Variants in CDKAL1 observed in about 807,000 individuals in gnomAD.
CDKAL1 encodes the protein CDKAL1 threonylcarbamoyladenosine tRNA methylthiotransferase.
Under a neutral mutation model 68.2 loss-of-function variants are expected in CDKAL1, and 32 were observed. The ratio of observed to expected loss-of-function variants is 0.47; its 90% CI spans 0.35 to 0.63. The LOEUF is 0.63. CDKAL1 is among the 30% of genes least tolerant of loss of function. The pLI, the probability that CDKAL1 is intolerant of heterozygous loss-of-function variation, is 0.00. For synonymous variants in CDKAL1, 234 were observed against 244.3 expected, an observed-to-expected ratio of 0.96 and a Z score of 0.39; for missense variants, 606 against 696.7, an observed-to-expected ratio of 0.87 and a Z score of 1.47.
At chr6:20,712,288 C>G (rs756328769) in intron 5 of CDKAL1, among the ~76,000 whole-genome samples, 2 of 152,026 alleles carry the variant, frequency 1.3e-5, no homozygotes, top group African/African-American at 2.4e-5. Flanking sequence ...TCCAAAGTTG[C>G]AATGGTCAGG....
chr6:21,021,433 A>G (rs573832983), intron 11 of CDKAL1, among the ~76,000 whole-genome samples: 2 of 152,224 alleles, frequency 1.3e-5, no homozygotes, highest in Non-Finnish European at 2.9e-5. Flanking sequence ...AATAAAGACA[A>G]GAATTTGTTG....
At chr6:21,141,486 G>A (rs996963484) in intron 13 of CDKAL1, among the ~76,000 whole-genome samples, 1 of 152,178 alleles carries the variant, frequency 6.6e-6, no homozygotes, top group African/African-American at 2.4e-5. Flanking sequence ...AGAATAAGGT[G>A]TATGTCCCCG....
intron 11 of CDKAL1, among the ~76,000 whole-genome samples, chr6:21,016,301 T>G (rs201311): frequency 0.77 from 116,915 of 151,774 alleles, 45,845 homozygotes; most frequent in Middle Eastern, 0.93. Context: ...AACCCAGGTT[T>G]CCTAGTTCCA....
intron 7 of CDKAL1, among the ~76,000 whole-genome samples, chr6:20,778,791 T>C (rs1450736771): frequency 1.3e-5 from 2 of 152,126 alleles, no homozygotes; most frequent in Non-Finnish European, 2.9e-5. Context: ...GAGCTCACTT[T>C]TAGCCTTTTT....
At chr6:20,699,034 C>T (rs952691749) in intron 5 of CDKAL1, among the ~76,000 whole-genome samples, 1 of 151,990 alleles carries the variant, frequency 6.6e-6, no homozygotes, top group African/African-American at 2.4e-5. Context: ...TTTTTAAAGT[C>T]AGAAAATTCT....
chr6:20,778,937 A>G (rs1775295953), intron 7 of CDKAL1, among the ~76,000 whole-genome samples: 1 of 152,206 alleles, frequency 6.6e-6, no homozygotes, highest in Non-Finnish European at 1.5e-5. Context: ...TAATATCAAA[A>G]TATCCGTGTA....
At chr6:20,838,302 C>T (rs755476867) in intron 8 of CDKAL1, among the ~76,000 whole-genome samples, 9 of 152,032 alleles carry the variant, frequency 5.9e-5, no homozygotes, top group African/African-American at 1.2e-4. Flanking sequence ...TCAGCTTGGA[C>T]ATTCGTAAGT....
chr6:20,753,266 A>G lies in CDKAL1; in HGVS notation c.469-5329A>G, dbSNP rs1774008661. Among the ~76,000 whole-genome samples, 3 of 152,202 alleles carry G rather than the reference A, an allele frequency of 2.0e-5. No homozygotes were observed. The Middle Eastern group carries it at 0.01, about 518-fold the overall frequency. ...ATTTCCTATTGTGACCTTTTTGTCTAGCTTCTTTCACTTTGCATTTATAGC... is the reference window on the plus strand; with the variant it reads ...ATTTCCTATTGTGACCTTTTTGTCTGGCTTCTTTCACTTTGCATTTATAGC... On this transcript the variant is annotated intron_variant, in intron 6 of 15. Transcript: ENST00000274695.
intron 7 of CDKAL1, among the ~76,000 whole-genome samples, chr6:20,771,639 G>A (rs2150363067): frequency 2.0e-5 from 3 of 152,286 alleles, no homozygotes; most frequent in African/African-American, 7.2e-5. Context: ...CCTCGCTGTT[G>A]GAAGTGGGGC....
At chr6:21,040,451 G>A (rs961724112) in intron 11 of CDKAL1, among the ~76,000 whole-genome samples, 2 of 151,936 alleles carry the variant, frequency 1.3e-5, no homozygotes, top group Admixed American at 1.3e-4. Flanking sequence ...TATTTTTGTT[G>A]AGGAGACACC....
chr6:20,867,315 G>A (rs188151252), intron 9 of CDKAL1, among the ~76,000 whole-genome samples: 8 of 152,262 alleles, frequency 5.3e-5, no homozygotes, highest in African/African-American at 1.9e-4. Flanking sequence ...TGTGAATTTG[G>A]AGATTTATAG....
intron 5 of CDKAL1, among the ~76,000 whole-genome samples, chr6:20,729,353 T>A (rs1051209729): frequency 6.6e-6 from 1 of 151,826 alleles, no homozygotes; most frequent in African/African-American, 2.4e-5. Context: ...GCTTTGAGAG[T>A]TTCTTCTTTT....
chr6:20,836,681 A>T, intron 8 of CDKAL1, among the ~76,000 whole-genome samples: 1 of 152,188 alleles, frequency 6.6e-6, no homozygotes, highest in South Asian at 2.1e-4. Context: ...TTCTTTATAA[A>T]GGAATATACA....
At chr6:20,931,036 C>T (rs1023594723) in intron 9 of CDKAL1, among the ~76,000 whole-genome samples, 2 of 152,192 alleles carry the variant, frequency 1.3e-5, no homozygotes, top group Admixed American at 6.5e-5. Context: ...AGCCACCGCG[C>T]CCGGCTGCGT....
intron 13 of CDKAL1, among the ~76,000 whole-genome samples, chr6:21,150,121 G>A (rs1776345893): frequency 2.0e-5 from 3 of 152,136 alleles, no homozygotes; most frequent in Non-Finnish European, 4.4e-5. Context: ...GCCTCCCAAA[G>A]TGCTGGGATT....
intron 13 of CDKAL1, among the ~76,000 whole-genome samples, chr6:21,154,815 C>T (rs967820407): frequency 1.1e-4 from 17 of 152,044 alleles, no homozygotes; most frequent in African/African-American, 3.6e-4. Context: ...TGATGAAACC[C>T]TGCCTCTACT....
intron 9 of CDKAL1, among the ~76,000 whole-genome samples, chr6:20,930,555 T>C (rs1763393684): frequency 6.6e-6 from 1 of 152,190 alleles, no homozygotes; most frequent in Admixed American, 6.5e-5. Flanking sequence ...TGGCCGCTGG[T>C]CCAGTAAACA....
intron 5 of CDKAL1, among the ~76,000 whole-genome samples, chr6:20,730,385 A>G (rs1008525898): frequency 6.6e-6 from 1 of 151,704 alleles, no homozygotes; most frequent in African/African-American, 2.4e-5. Flanking sequence ...CCGACCCGAA[A>G]AAAAAGGAAG....
intron 8 of CDKAL1, among the ~76,000 whole-genome samples, chr6:20,827,397 A>G (rs1296609996): frequency 6.6e-6 from 1 of 152,182 alleles, no homozygotes; most frequent in African/African-American, 2.4e-5. Context: ...GCCATTGTTT[A>G]TCTTTGTGAT....
Sources: allele counts gnomAD v4.1 joint callset (sites outside exome capture counted in the v4.1 genomes callset), GRCh38; gene constraint gnomAD v4.1.1; transcripts MANE v1.5; gene names NCBI Gene and HGNC (gene_info 2026-07-23, HGNC 2026-07-21).